The following SPECC1 variants were observed in gnomAD, a reference collection of about 807,000 sequenced individuals.
SPECC1 encodes sperm antigen with calponin homology and coiled-coil domains 1, also known as cytospin-B.
Under a neutral mutation model 104.1 loss-of-function variants are expected in SPECC1, and 62 were observed. That is an observed-to-expected ratio of 0.60 (90% confidence interval 0.49 to 0.74). The LOEUF (loss-of-function observed/expected upper bound fraction) is 0.74, where lower values mean the gene tolerates loss of function less well. Among genes scored for constraint, SPECC1 ranks in the 30% least tolerant of loss-of-function variants. The pLI, the probability that SPECC1 is intolerant of heterozygous loss-of-function variation, is 0.00. For missense variants in SPECC1, 1,306 were observed against 1,310.5 expected (o/e 1.00, Z 0.05); for synonymous variants, 513 against 501.6 (o/e 1.02, Z -0.30).
At chr17:20,220,449 T>C (rs1023900031) in intron 4 of SPECC1, among the ~76,000 whole-genome samples, 1 of 152,172 alleles carries the variant, frequency 6.6e-6, no homozygotes, top group Non-Finnish European at 1.5e-5. Context: ...TGGGATTACT[T>C]TCTTGATTCC....
intron 11 of SPECC1, among the ~76,000 whole-genome samples, chr17:20,258,025 G>C (rs1217352881): frequency 3.9e-5 from 6 of 152,194 alleles, no homozygotes; most frequent in African/African-American, 2.4e-5. Flanking sequence ...CAAGCTCTCT[G>C]TCAGTATTTG....
At chr17:20,083,975 A>G (rs367694187) in intron 1 of SPECC1, among the ~76,000 whole-genome samples, 525 of 152,244 alleles carry the variant, frequency 3.4e-3, no homozygotes, top group African/African-American at 0.012. Flanking sequence ...GCATTTTCTT[A>G]ATGACTAATG....
intron 1 of SPECC1, among the ~76,000 whole-genome samples, chr17:20,072,223 A>G (rs2046582382): frequency 1.3e-5 from 2 of 152,238 alleles, no homozygotes; most frequent in Admixed American, 6.5e-5. Flanking sequence ...AGGTGATTCA[A>G]AACCATTCCT....
intron 1 of SPECC1, among the ~76,000 whole-genome samples, chr17:20,058,827 CTTTA>C (rs1567817638): frequency 7.0e-6 from 1 of 142,282 alleles, no homozygotes; most frequent in African/African-American, 2.6e-5. Flanking sequence ...TTATTGTTCA[CTTTA>C]TTTCTTTTTT....
At chr17:20,045,824 GT>G (rs919638727) in intron 1 of SPECC1, among the ~76,000 whole-genome samples, 1 of 152,062 alleles carries the variant, frequency 6.6e-6, no homozygotes, top group African/African-American at 2.4e-5. Flanking sequence ...TATCAGTAGT[GT>G]TTTTTGGGCT....
At chr17:20,287,378 C>T (rs914090862) in intron 12 of SPECC1, among the ~76,000 whole-genome samples, 5 of 140,532 alleles carry the variant, frequency 3.6e-5, no homozygotes, top group African/African-American at 1.3e-4. Flanking sequence ...GATTGCGCCA[C>T]TGCAGTCCGC....
chr17:20,058,835 C>CTTTTTTT (rs58811372), intron 1 of SPECC1, among the ~76,000 whole-genome samples: 27 of 103,566 alleles, frequency 2.6e-4, no homozygotes, highest in African/African-American at 3.1e-4. Flanking sequence ...CACTTTATTT[C>CTTTTTTT]TTTTTTTTTT....
chr17:20,015,654 G>A lies in SPECC1; in HGVS notation c.-22+6230G>A, dbSNP rs377242910. 6.8e-4 allele frequency among the ~76,000 whole-genome samples: 92 copies of A among 135,850 alleles called. No individual in the cohort carries two copies. The South Asian group carries it at 0.021, about 31-fold the overall frequency. 89.1% of individuals were successfully genotyped at this position (135,850 alleles called of 152,430 possible). On this transcript the variant is annotated intron_variant, in intron 1 of 14. Transcript: ENST00000395527. ...GGCTGGAAGGCAATGGCACTATCTC[G>A]GCTCACTGCAAGCTCTGCCTCCCAG...
intron 3 of SPECC1, among the ~76,000 whole-genome samples, chr17:20,159,203 C>A (rs1277584540): frequency 6.6e-6 from 1 of 152,096 alleles, no homozygotes; most frequent in African/African-American, 2.4e-5. Context: ...ACTCAGCCTC[C>A]CACAGTGCTG....
intron 1 of SPECC1, among the ~76,000 whole-genome samples, chr17:20,022,010 C>T (rs974412281): frequency 2.0e-5 from 3 of 151,782 alleles, no homozygotes; most frequent in Non-Finnish European, 2.9e-5. Context: ...GGCATGGTCT[C>T]GGCTCACTGC....
chr17:20,165,024 TTTAAG>T (rs1351440551), intron 3 of SPECC1, among the ~76,000 whole-genome samples: 2 of 152,198 alleles, frequency 1.3e-5, no homozygotes, highest in African/African-American at 4.8e-5. Flanking sequence ...TTAATTTTAT[TTTAAG>T]TTAAATTTAT....
chr17:20,032,968 A>AT lies in SPECC1; in HGVS notation c.-22+23558dup, dbSNP rs776295689. 4.3e-3 allele frequency among the ~76,000 whole-genome samples: 616 copies of AT among 141,898 alleles called. 2 individuals are homozygous for AT. Among genetic ancestry groups the AT allele is most frequent in the African/African-American group, 9.3e-3 (357 of 38,418 alleles). 93.1% of individuals were successfully genotyped at this position (141,898 alleles called of 152,430 possible). A position where few individuals can be genotyped will look rare whatever the true frequency, so the allele number is the denominator to read the frequency against. On this transcript the variant is annotated intron_variant, in intron 1 of 14. Coordinates refer to ENST00000395527, the MANE Select transcript of SPECC1 (RefSeq NM_001243439.2). Reference sequence around the variant, plus strand: ...CACACACACACATATATATATGTATATTTTTTTTTTTTTTGAGGTGGAGTC... The same window carrying AT: ...CACACACACACATATATATATGTATATTTTTTTTTTTTTTTGAGGTGGAGTC...
chr17:20,232,078 A>T, intron 6 of SPECC1, 122 bp from the exon 7 acceptor site: 1 of 1,159,072 alleles, frequency 8.6e-7, no homozygotes, highest in Non-Finnish European at 1.3e-6. Flanking sequence ...CCGTGTAAGC[A>T]GGGCCTCACC....
At position 20,232,419 on chromosome 17, in the gene SPECC1, G is replaced by T; in HGVS notation, c.2351+14G>T. On this transcript the variant is annotated intron_variant, in intron 7 of 14. Coordinates refer to ENST00000395527, the MANE Select transcript of SPECC1 (RefSeq NM_001243439.2). ...AGCCGCCCCTCCGTGAGTCTGGTGG[G>T]CACCAGGGCCGTGCTTGCTTCTCAA... is the stretch of plus-strand genomic sequence containing the variant. The T allele has an allele frequency of 6.3e-7, 1 of 1,595,306 alleles. No individual in the cohort carries two copies.
chr17:20,262,173 A>T (rs1316873409), intron 12 of SPECC1, among the ~76,000 whole-genome samples: 3 of 152,172 alleles, frequency 2.0e-5, no homozygotes, highest in African/African-American at 7.2e-5. Context: ...TTAGTAACCC[A>T]TTGTAGGATT....
chr17:20,188,886 A>G (rs1437608287), intron 3 of SPECC1, among the ~76,000 whole-genome samples: 1 of 152,152 alleles, frequency 6.6e-6, no homozygotes, highest in Non-Finnish European at 1.5e-5. Flanking sequence ...ATAGAAATAA[A>G]CAGGATTTTG....
At chr17:20,018,356 T>C (rs763653167) in intron 1 of SPECC1, among the ~76,000 whole-genome samples, 30 of 152,248 alleles carry the variant, frequency 2.0e-4, no homozygotes, top group Admixed American at 6.5e-5. Flanking sequence ...TACCATTCCA[T>C]TGAATTTTAA....
chr17:20,153,567 A>G (rs1284199355), intron 3 of SPECC1, among the ~76,000 whole-genome samples: 2 of 152,250 alleles, frequency 1.3e-5, no homozygotes, highest in Admixed American at 1.3e-4. Flanking sequence ...CAAAGTCTGG[A>G]AAATGTTAAG....
At chr17:20,046,800 G>A (rs542904609) in intron 1 of SPECC1, among the ~76,000 whole-genome samples, 8 of 151,094 alleles carry the variant, frequency 5.3e-5, no homozygotes, top group African/African-American at 1.7e-4. Flanking sequence ...TGTACAGGAG[G>A]GGCAGTGAGG....
Sources: gnomAD v4.1 joint callset for allele counts (sites outside exome capture counted in the v4.1 genomes callset) on GRCh38, gnomAD v4.1.1 for gene constraint, MANE v1.5 for transcripts, NCBI Gene and HGNC (gene_info 2026-07-23, HGNC 2026-07-21) for gene names.